The following WASF2 variants were observed in gnomAD, a reference collection of about 807,000 sequenced individuals.
WASF2 encodes actin-binding protein WASF2.
Under a neutral mutation model 45.0 loss-of-function variants are expected in WASF2, and 14 were observed. That is an observed-to-expected ratio of 0.31 (90% CI 0.21 to 0.49). The LOEUF (loss-of-function observed/expected upper bound fraction) is 0.49, where lower values mean the gene tolerates loss of function less well. Among genes scored for constraint, WASF2 ranks in the 20% least tolerant of loss-of-function variants. WASF2 has a pLI of 0.99. For synonymous variants in WASF2, 200 were observed against 236.3 expected, an observed-to-expected ratio of 0.85 and a Z score of 1.41; for missense variants, 439 against 636.1, an observed-to-expected ratio of 0.69 and a Z score of 3.33.
chr1:27,435,475 C>T (rs924297559), intron 1 of WASF2, among the ~76,000 whole-genome samples: 8 of 152,012 alleles, frequency 5.3e-5, no homozygotes, highest in Admixed American at 4.6e-4. Context: ...ATAGTCTCAG[C>T]TACTTGGGAA....
At chr1:27,429,499 G>A (rs1287921049) in intron 1 of WASF2, among the ~76,000 whole-genome samples, 1 of 152,190 alleles carries the variant, frequency 6.6e-6, no homozygotes, top group Non-Finnish European at 1.5e-5. Flanking sequence ...CACTAGGCCG[G>A]GCATGGTGGC....
At chr1:27,449,257 A>C (rs912739950) in intron 1 of WASF2, among the ~76,000 whole-genome samples, 6 of 152,160 alleles carry the variant, frequency 3.9e-5, no homozygotes, top group Non-Finnish European at 8.8e-5. Context: ...AGTCATCTCT[A>C]ATCTTAGTGC....
At chr1:27,476,800 C>T (rs1367424755) in intron 1 of WASF2, among the ~76,000 whole-genome samples, 1 of 152,166 alleles carries the variant, frequency 6.6e-6, no homozygotes, top group East Asian at 1.9e-4. Context: ...ATAGTGAAAT[C>T]TTCCCAGTTT....
chr1:27,452,406 G>A (rs534029938), intron 1 of WASF2, among the ~76,000 whole-genome samples: 1 of 152,182 alleles, frequency 6.6e-6, no homozygotes, highest in East Asian at 1.9e-4. Context: ...CCAACTACTT[G>A]GGAAACTGAG....
At position 27,407,203 on chromosome 1, in the gene WASF2, C is replaced by T. The variant is rs965852283; in HGVS notation, c.*986G>A. Reference sequence around the variant, plus strand: ...CTCCAGCAGGTGCCCATTCTTTGGTCCCAGAAAGCACAGGTGACTTGGAAT... The same window carrying T: ...CTCCAGCAGGTGCCCATTCTTTGGTTCCAGAAAGCACAGGTGACTTGGAAT... On this transcript the variant is annotated 3_prime_UTR_variant, in exon 9 of 9. Transcript: ENST00000618852. 6.6e-6 allele frequency: 1 copy of T among 152,660 alleles called. No individual in the cohort carries two copies. The highest frequency in any genetic ancestry group is 2.4e-5 in the African/African-American group (1 of 41,424). The allele number at this position is 152,660 out of a possible 1,614,324, so 9.5% of individuals were successfully genotyped here.
Position 27,441,281 on chromosome 1 carries a change from C to T in WASF2, c.-43-12348G>A, listed in dbSNP as rs1037805177. On this transcript the variant is annotated intron_variant, in intron 1 of 8. Transcript: ENST00000618852. ...GCCAAGGTGGGAGGATCACTTGAGC[C>T]CAGGAAGTTGACACCAGCCTGGGCA... Among the ~76,000 whole-genome samples the T allele has an allele frequency of 5.4e-5, 8 of 147,016 alleles. No homozygotes were observed. In the East Asian group the frequency reaches 1.6e-3, roughly 30 times the overall value.
chr1:27,474,428 G>T (rs1364602607), intron 1 of WASF2, among the ~76,000 whole-genome samples: 1 of 151,980 alleles, frequency 6.6e-6, no homozygotes, highest in African/African-American at 2.4e-5. Context: ...TTGAGCCCAG[G>T]AGTTCAAGAA....
intron 1 of WASF2, among the ~76,000 whole-genome samples, chr1:27,437,265 T>C (rs1396389921): frequency 6.6e-6 from 1 of 152,198 alleles, no homozygotes; most frequent in African/African-American, 2.4e-5. Context: ...TGGCCAAAAT[T>C]AGACTCTCTT....
intron 1 of WASF2, among the ~76,000 whole-genome samples, chr1:27,460,158 C>T (rs772695687): frequency 6.6e-6 from 1 of 152,070 alleles, no homozygotes. Context: ...ATGCATTTAC[C>T]AGCTCCTCTC....
At chr1:27,478,406 C>T (rs2017800534) in intron 1 of WASF2, among the ~76,000 whole-genome samples, 1 of 151,184 alleles carries the variant, frequency 6.6e-6, no homozygotes, top group South Asian at 2.1e-4. Context: ...ATGTGAAAAA[C>T]TTTATGTTGA....
At chr1:27,450,794 C>T (rs1455378876) in intron 1 of WASF2, among the ~76,000 whole-genome samples, 1 of 152,050 alleles carries the variant, frequency 6.6e-6, no homozygotes, top group Non-Finnish European at 1.5e-5. Flanking sequence ...CCATCGCACC[C>T]AGCCTCCTTC....
intron 2 of WASF2, 54 bp from the exon 3 acceptor site, chr1:27,419,142 C>T: frequency 1.3e-6 from 2 of 1,597,662 alleles, no homozygotes; most frequent in Non-Finnish European, 1.7e-6. Context: ...CGTAAATGGT[C>T]ACAAAAACTG....
intron 1 of WASF2, among the ~76,000 whole-genome samples, chr1:27,487,709 T>G (rs2017964360): frequency 8.5e-6 from 1 of 118,052 alleles, no homozygotes; most frequent in South Asian, 2.3e-4. Flanking sequence ...TTATACAATA[T>G]ATAATGTATA....
chr1:27,416,197 AC>A, intron 4 of WASF2, 95 bp from the exon 5 acceptor site: 1 of 1,033,366 alleles, frequency 9.7e-7, no homozygotes, highest in Admixed American at 1.8e-5. Context: ...CAGTTTTTAC[AC>A]CAAGGAATCA....
intron 1 of WASF2, among the ~76,000 whole-genome samples, chr1:27,447,540 A>G (rs2017326992): frequency 6.6e-6 from 1 of 152,216 alleles, no homozygotes; most frequent in African/African-American, 2.4e-5. Context: ...CTGACTATGT[A>G]AGGCACTGGT....
At position 27,405,207 on chromosome 1, in the gene WASF2, G is replaced by A. The variant is rs1158948832; in HGVS notation, c.*2982C>T. The A allele has an allele frequency of 2.6e-5, 4 of 152,390 alleles. No individual in the cohort carries two copies. The highest frequency in any genetic ancestry group is 5.9e-5 in the Non-Finnish European group (4 of 68,060). The allele number at this position is 152,390 out of a possible 1,614,324, so 9.4% of individuals were successfully genotyped here. The stretch of plus-strand genomic sequence containing the variant: ...GCCAGGGTCGTTTCTGAGGGCGCTC[G>A]GGCTTCCACTGGAGGCGAGCTGGAG... On this transcript the variant is annotated 3_prime_UTR_variant, in exon 9 of 9. Transcript: ENST00000618852.
At chr1:27,472,493 G>C (rs1571161581) in intron 1 of WASF2, among the ~76,000 whole-genome samples, 1 of 151,386 alleles carries the variant, frequency 6.6e-6, no homozygotes, top group Non-Finnish European at 1.5e-5. Context: ...AATTAGCCAG[G>C]CATGGTGGCT....
intron 1 of WASF2, among the ~76,000 whole-genome samples, chr1:27,486,333 CT>C (rs561270028): frequency 9.3e-5 from 14 of 151,210 alleles, no homozygotes; most frequent in South Asian, 2.1e-4. Context: ...GTCCCAAGAA[CT>C]TTTTTTTTGG....
chr1:27,455,702 T>C (rs886145213), intron 1 of WASF2, among the ~76,000 whole-genome samples: 1 of 152,168 alleles, frequency 6.6e-6, no homozygotes, highest in Non-Finnish European at 1.5e-5. Flanking sequence ...TACCTTTTTG[T>C]TTTTTTCCTG....
Sources: allele counts gnomAD v4.1 joint callset (sites outside exome capture counted in the v4.1 genomes callset), GRCh38; gene constraint gnomAD v4.1.1; transcripts MANE v1.5; gene names NCBI Gene and HGNC (gene_info 2026-07-23, HGNC 2026-07-21).